The following AUTS2 variants were observed in gnomAD, a reference collection of about 807,000 sequenced individuals.
AUTS2 encodes the protein activator of transcription and developmental regulator AUTS2, also known as autism susceptibility gene 2 protein.
Under a neutral mutation model 112.4 loss-of-function variants are expected in AUTS2, and 17 were observed. That is an observed-to-expected ratio of 0.15 (90% confidence interval 0.10 to 0.23). The LOEUF is 0.23. AUTS2 is among the 10% of genes least tolerant of loss of function. The pLI is 1.00. For missense variants in AUTS2, 1,510 were observed against 1,701.6 expected (o/e 0.89, Z 1.98); for synonymous variants, 751 against 702.7 (o/e 1.07, Z -1.09).
At chr7:69,876,577 G>A (rs1793814463) in intron 1 of AUTS2, among the ~76,000 whole-genome samples, 1 of 132,254 alleles carries the variant, frequency 7.6e-6, no homozygotes, top group African/African-American at 2.8e-5. Context: ...TTTCTTTTGA[G>A]AGCTACCAAG....
At position 69,644,279 on chromosome 7, in the gene AUTS2, C is replaced by T. The variant is rs12333507; in HGVS notation, c.309+44317C>T. Among the ~76,000 whole-genome samples, 810 of 152,026 alleles carry T rather than the reference C, an allele frequency of 5.3e-3. 7 individuals carry two copies. The highest frequency in any genetic ancestry group is 0.019 in the African/African-American group (779 of 41,480). ...AGTGGCATTTAATTGCAGTCATTCC[C>T]ATTCTTTGCTGAGCTTTGGTCATAA... On this transcript the variant is annotated intron_variant, in intron 1 of 18. Coordinates refer to ENST00000342771, the MANE Select transcript of AUTS2 (RefSeq NM_015570.4).
chr7:70,671,461 A>G (rs1807638634), intron 5 of AUTS2, among the ~76,000 whole-genome samples: 1 of 152,226 alleles, frequency 6.6e-6, no homozygotes, highest in Non-Finnish European at 1.5e-5. Flanking sequence ...TCCTTATTTC[A>G]AAGGCAGTAA....
At chr7:70,662,544 G>T (rs910042323) in intron 5 of AUTS2, among the ~76,000 whole-genome samples, 1 of 152,110 alleles carries the variant, frequency 6.6e-6, no homozygotes, top group Non-Finnish European at 1.5e-5. Flanking sequence ...AGAGAAACGG[G>T]CTTCATGAAT....
intron 1 of AUTS2, among the ~76,000 whole-genome samples, chr7:69,891,386 G>A (rs949619113): frequency 6.6e-6 from 1 of 152,154 alleles, no homozygotes; most frequent in African/African-American, 2.4e-5. Context: ...ATCTATTGAT[G>A]TACATTTGGG....
chr7:70,142,909 A>G (rs1019485773), intron 4 of AUTS2, among the ~76,000 whole-genome samples: 2 of 152,190 alleles, frequency 1.3e-5, no homozygotes, highest in African/African-American at 4.8e-5. Flanking sequence ...CCCACAGGCA[A>G]TGTCAATTCC....
intron 2 of AUTS2, among the ~76,000 whole-genome samples, chr7:69,932,582 CA>C (rs2085605819): frequency 6.6e-6 from 1 of 152,122 alleles, no homozygotes; most frequent in Non-Finnish European, 1.5e-5. Flanking sequence ...TCAGAATTTC[CA>C]GGGCCATTTT....
chr7:70,234,768 T>C (rs1323705748), intron 4 of AUTS2, among the ~76,000 whole-genome samples: 2 of 152,172 alleles, frequency 1.3e-5, no homozygotes, highest in Non-Finnish European at 2.9e-5. Context: ...TTGAATCCCG[T>C]GAATGGAAAC....
chr7:70,656,293 G>A (rs1358170916), intron 5 of AUTS2, among the ~76,000 whole-genome samples: 1 of 152,002 alleles, frequency 6.6e-6, no homozygotes, highest in East Asian at 1.9e-4. Flanking sequence ...TTCTGGAACA[G>A]ATATTATTTT....
intron 5 of AUTS2, among the ~76,000 whole-genome samples, chr7:70,587,196 G>A (rs926979828): frequency 6.6e-6 from 1 of 152,086 alleles, no homozygotes; most frequent in Non-Finnish European, 1.5e-5. Context: ...TCCCACCTCT[G>A]CCTCCTGAGT....
rs550552815 is a variant in AUTS2, at chr7:69,790,151, T to C, written c.310-109135T>C. On this transcript the variant is annotated intron_variant, in intron 1 of 18. Coordinates refer to ENST00000342771, the MANE Select transcript of AUTS2 (RefSeq NM_015570.4). ...AAAAATAAAAAAAAAAATGGCTGAA[T>C]GTGGTGGCACGTGCCTGTAGTTTCA... 4.6e-5 allele frequency among the ~76,000 whole-genome samples: 7 copies of C among 151,920 alleles called. No individual in the cohort carries two copies. The South Asian group carries it at 8.3e-4, about 18-fold the overall frequency.
chr7:70,443,881 G>A (rs889878069), intron 5 of AUTS2, among the ~76,000 whole-genome samples: 1 of 152,200 alleles, frequency 6.6e-6, no homozygotes, highest in African/African-American at 2.4e-5. Flanking sequence ...ATGGGGACTA[G>A]GTGGAGAGCT....
chr7:70,146,170 A>G (rs886088989), intron 4 of AUTS2, among the ~76,000 whole-genome samples: 1 of 152,068 alleles, frequency 6.6e-6, no homozygotes, highest in Admixed American at 6.6e-5. Flanking sequence ...TAATTCTCTC[A>G]TCTTACAGCC....
chr7:70,496,628 C>G (rs1403847536), intron 5 of AUTS2, among the ~76,000 whole-genome samples: 1 of 141,882 alleles, frequency 7.0e-6, no homozygotes, highest in African/African-American at 2.6e-5. Context: ...CGTACACAGG[C>G]ACACACACAC....
chr7:69,724,894 GA>G (rs1382154163), intron 1 of AUTS2, among the ~76,000 whole-genome samples: 1 of 152,150 alleles, frequency 6.6e-6, no homozygotes, highest in Non-Finnish European at 1.5e-5. Flanking sequence ...TCATTACTTT[GA>G]TTAAGTGTCT....
At chr7:70,520,022 T>C (rs6958946) in intron 5 of AUTS2, among the ~76,000 whole-genome samples, 2 of 152,214 alleles carry the variant, frequency 1.3e-5, no homozygotes, top group African/African-American at 4.8e-5. Flanking sequence ...TTATCAGATA[T>C]GTGATTTCCA....
chr7:69,832,879 G>A (rs1321237466), intron 1 of AUTS2, among the ~76,000 whole-genome samples: 1 of 152,168 alleles, frequency 6.6e-6, no homozygotes, highest in Non-Finnish European at 1.5e-5. Flanking sequence ...AAAAATCAAA[G>A]AGGAATTTTG....
At chr7:69,952,858 A>G (rs984840769) in intron 2 of AUTS2, among the ~76,000 whole-genome samples, 1 of 152,202 alleles carries the variant, frequency 6.6e-6, no homozygotes, top group African/African-American at 2.4e-5. Flanking sequence ...CAAAAATGAA[A>G]GAAATATTGT....
At chr7:69,899,135 A>G (rs933932238) in intron 1 of AUTS2, 151 bp from the exon 2 acceptor site, 2 of 615,724 alleles carry the variant, frequency 3.2e-6, no homozygotes, top group Non-Finnish European at 5.8e-6. Context: ...TTGAGAAGCC[A>G]TGTTTCTTAG....
chr7:69,804,130 T>A (rs913652455), intron 1 of AUTS2, among the ~76,000 whole-genome samples: 1 of 152,174 alleles, frequency 6.6e-6, no homozygotes, highest in African/African-American at 2.4e-5. Flanking sequence ...GATTGTGATG[T>A]CCCTGGTGAG....
Sources: allele counts gnomAD v4.1 joint callset (sites outside exome capture counted in the v4.1 genomes callset), GRCh38; gene constraint gnomAD v4.1.1; transcripts MANE v1.5; gene names NCBI Gene and HGNC (gene_info 2026-07-23, HGNC 2026-07-21).